Variants in CNTN6 observed in about 807,000 individuals in gnomAD.
The protein encoded by CNTN6 is contactin 6.
Under a neutral mutation model 122.8 loss-of-function variants are expected in CNTN6, and 137 were observed. That is an observed-to-expected ratio of 1.12 (90% CI 0.97 to 1.29). The LOEUF (loss-of-function observed/expected upper bound fraction) is 1.29, where lower values mean the gene tolerates loss of function less well. CNTN6 is among the 50% of genes most tolerant of loss of function. The pLI, the probability that CNTN6 is intolerant of heterozygous loss-of-function variation, is 0.00. For missense variants in CNTN6, 1,634 were observed against 1,223.4 expected, an observed-to-expected ratio of 1.34 and a Z score of -5.01; for synonymous variants, 570 against 426.0, an observed-to-expected ratio of 1.34 and a Z score of -4.16.
intron 2 of CNTN6, among the ~76,000 whole-genome samples, chr3:1,219,357 A>T (rs1360236462): frequency 4.6e-5 from 7 of 152,178 alleles, no homozygotes. Flanking sequence ...AAAGTGGTTT[A>T]TTACCTCCAA....
At chr3:1,364,507 A>G (rs1707931278) in intron 12 of CNTN6, among the ~76,000 whole-genome samples, 2 of 142,250 alleles carry the variant, frequency 1.4e-5, no homozygotes, top group South Asian at 4.4e-4. Flanking sequence ...GAGTTGAAGG[A>G]AAAAAAAAAC....
At chr3:1,303,273 T>A (rs1697746648) in intron 7 of CNTN6, among the ~76,000 whole-genome samples, 1 of 152,222 alleles carries the variant, frequency 6.6e-6, no homozygotes, top group African/African-American at 2.4e-5. Context: ...TTCATTGTAT[T>A]TGAGTCTAGT....
intron 4 of CNTN6, among the ~76,000 whole-genome samples, chr3:1,235,433 T>G (rs2094408750): frequency 6.6e-6 from 1 of 151,008 alleles, no homozygotes; most frequent in East Asian, 1.9e-4. Context: ...AATATTTCTA[T>G]TGTTTATTTA....
At chr3:1,387,900 C>T (rs569389191) in intron 20 of CNTN6, among the ~76,000 whole-genome samples, 64 of 152,254 alleles carry the variant, frequency 4.2e-4, no homozygotes, top group African/African-American at 1.2e-3. Flanking sequence ...GCACCCGGCT[C>T]GGAGGGTCCT....
chr3:1,142,009 G>A (rs2092619277), intron 1 of CNTN6, among the ~76,000 whole-genome samples: 1 of 152,060 alleles, frequency 6.6e-6, no homozygotes, highest in African/African-American at 2.4e-5. Flanking sequence ...TCTCTGTTTA[G>A]GATAACTCTC....
At chr3:1,247,629 A>G (rs1159482779) in intron 4 of CNTN6, among the ~76,000 whole-genome samples, 1 of 152,204 alleles carries the variant, frequency 6.6e-6, no homozygotes, top group Non-Finnish European at 1.5e-5. Flanking sequence ...CATTGGATAA[A>G]AATATAACAA....
At chr3:1,381,915 G>C (rs1443162591) in intron 17 of CNTN6, among the ~76,000 whole-genome samples, 4 of 151,756 alleles carry the variant, frequency 2.6e-5, no homozygotes, top group Non-Finnish European at 5.9e-5. Flanking sequence ...CACCAAGACG[G>C]TGCCTGTGGT....
In CNTN6 at chr3:1,227,918, A is replaced by T. The variant is rs1166760276; in HGVS notation, c.283A>T (p.Ile95Phe). ...CAATAGCCCCCACACAGATCAAGAT[A>T]TTGGCATGTACCAGTGCCTGGCCAC... ...AINSPHTDQDIGMYQCLATNL... is the reference protein window; with the variant it reads ...AINSPHTDQDFGMYQCLATNL... The change falls in exon 4 of 23, where the codon ATT becomes TTT. Residue 95 changes from isoleucine to phenylalanine, a missense_variant. Ile to Phe is a conservative substitution (Grantham distance 21). Transcript: ENST00000446702. 3 of 1,614,074 alleles carry T rather than the reference A, an allele frequency of 1.9e-6. No homozygotes were observed. Among genetic ancestry groups the T allele is most frequent in the Admixed American group, 3.3e-5 (2 of 60,006 alleles).
chr3:1,253,607 A>G lies in CNTN6; in HGVS notation c.359-24806A>G, dbSNP rs565954084. On this transcript the variant is annotated intron_variant, in intron 4 of 22. Coordinates refer to ENST00000446702, the MANE Select transcript of CNTN6 (RefSeq NM_001289080.2). ...TAAGGCAGGACAATTTTTCCCCAGG[A>G]TGAGGGGTTGGAGGGCAGTGGTTTC... Among the ~76,000 whole-genome samples the G allele has an allele frequency of 1.0e-3, 155 of 152,264 alleles. 2 individuals carry two copies. The highest frequency in any genetic ancestry group is 3.6e-3 in the African/African-American group (148 of 41,554).
chr3:1,321,195 A>G (rs947689424), intron 7 of CNTN6, among the ~76,000 whole-genome samples: 6 of 151,774 alleles, frequency 4.0e-5, no homozygotes, highest in Admixed American at 3.3e-4. Context: ...CTATAAATAT[A>G]TATATAAAGC....
At chr3:1,173,245 G>T (rs142822184) in intron 2 of CNTN6, 6 of 456,504 alleles carry the variant, frequency 1.3e-5, no homozygotes, top group African/African-American at 1.2e-4. Context: ...ACTGGACTTC[G>T]TCTCTGGCTT....
chr3:1,174,402 T>G (rs1010875739), intron 2 of CNTN6, among the ~76,000 whole-genome samples: 1 of 152,168 alleles, frequency 6.6e-6, no homozygotes, highest in African/African-American at 2.4e-5. Context: ...GAGGAGGTAT[T>G]TTCAGATGGA....
chr3:1,119,587 A>C (rs2091874285), intron 1 of CNTN6, among the ~76,000 whole-genome samples: 1 of 151,954 alleles, frequency 6.6e-6, no homozygotes, highest in Non-Finnish European at 1.5e-5. Context: ...CAAGACTAAA[A>C]GAGAATTCCA....
At chr3:1,351,642 G>T (rs965948811) in intron 11 of CNTN6, among the ~76,000 whole-genome samples, 1 of 151,170 alleles carries the variant, frequency 6.6e-6, no homozygotes, top group Non-Finnish European at 1.5e-5. Context: ...TTTTATGAAA[G>T]ATGGGAACTT....
At chr3:1,273,742 C>A (rs141385006) in intron 4 of CNTN6, among the ~76,000 whole-genome samples, 2 of 152,132 alleles carry the variant, frequency 1.3e-5, no homozygotes, top group Admixed American at 6.6e-5. Context: ...TTTTGAGAGG[C>A]GTTGATTTCC....
chr3:1,187,509 T>C (rs1327284119), intron 2 of CNTN6, among the ~76,000 whole-genome samples: 1 of 152,144 alleles, frequency 6.6e-6, no homozygotes, highest in African/African-American at 2.4e-5. Context: ...GTCCTGGTGT[T>C]ATTCTCCAAG....
At chr3:1,228,204 C>G (rs561662586) in intron 4 of CNTN6, among the ~76,000 whole-genome samples, 2 of 151,946 alleles carry the variant, frequency 1.3e-5, no homozygotes, top group Admixed American at 1.3e-4. Flanking sequence ...GGGAAAAGAT[C>G]AATGTTATTA....
intron 14 of CNTN6, among the ~76,000 whole-genome samples, chr3:1,373,347 C>G (rs1032301816): frequency 2.6e-5 from 4 of 152,070 alleles, no homozygotes; most frequent in East Asian, 1.9e-4. Flanking sequence ...GATGATGGTT[C>G]TCAATCTTTG....
intron 4 of CNTN6, among the ~76,000 whole-genome samples, chr3:1,245,261 ATATATATATATATACAC>A (rs1167337746): frequency 6.0e-4 from 2 of 3,326 alleles, no homozygotes; most frequent in African/African-American, 1.6e-3. Context: ...TATATAACAT[ATATATATATATATACAC>A]ACACATATAT....
Sources: allele counts gnomAD v4.1 joint callset (sites outside exome capture counted in the v4.1 genomes callset), GRCh38; gene constraint gnomAD v4.1.1; transcripts MANE v1.5; gene names NCBI Gene and HGNC (gene_info 2026-07-23, HGNC 2026-07-21).